Variants in IL1RAPL2 observed in about 807,000 individuals in gnomAD.
The protein encoded by IL1RAPL2 is interleukin 1 receptor accessory protein like 2.
Under a neutral mutation model 44.1 loss-of-function variants are expected in IL1RAPL2, and 3 were observed. The observed-to-expected ratio is 0.07, with a 90% CI of 0.03 to 0.18. The LOEUF (loss-of-function observed/expected upper bound fraction) is 0.18. IL1RAPL2 is among the 10% of genes least tolerant of loss of function. The pLI, the probability that IL1RAPL2 is intolerant of heterozygous loss-of-function variation, is 1.00. For missense variants in IL1RAPL2, 391 were observed against 496.4 expected (o/e 0.79, Z 2.02); for synonymous variants, 181 against 178.8 (o/e 1.01, Z -0.10).
At chrX:105,258,989 A>G (rs1366857707) in intron 4 of IL1RAPL2, among the ~76,000 whole-genome samples, 1 of 111,743 alleles carries the variant, frequency 8.9e-6, no homozygotes, top group Non-Finnish European at 1.9e-5. Context: ...TGTTTGTAGG[A>G]CATACAACAC....
At chrX:104,728,951 A>T in intron 2 of IL1RAPL2, among the ~76,000 whole-genome samples, 1 of 111,866 alleles carries the variant, frequency 8.9e-6, no homozygotes. Flanking sequence ...CATTTTCTCT[A>T]AGGCTCTTGT....
At chrX:104,641,905 A>G (rs1472351676) in intron 1 of IL1RAPL2, among the ~76,000 whole-genome samples, 1 of 111,327 alleles carries the variant, frequency 9.0e-6, no homozygotes. Flanking sequence ...GCCTTTTTGT[A>G]GCTGCTTAGG....
chrX:104,705,882 A>G (rs1931356722), intron 2 of IL1RAPL2, among the ~76,000 whole-genome samples: 2 of 111,414 alleles, frequency 1.8e-5, no homozygotes, highest in African/African-American at 3.3e-5. Flanking sequence ...GCGGGGACCA[A>G]GTTTTGTTTT....
intron 2 of IL1RAPL2, among the ~76,000 whole-genome samples, chrX:104,908,096 G>A (rs986573709): frequency 1.8e-5 from 2 of 110,340 alleles, no homozygotes; most frequent in Non-Finnish European, 3.8e-5. Flanking sequence ...TTGGTTTAAA[G>A]TCTGTTTTAT....
At chrX:104,610,859 C>T (rs755734883) in intron 1 of IL1RAPL2, among the ~76,000 whole-genome samples, 5 of 111,918 alleles carry the variant, frequency 4.5e-5, no homozygotes, top group Non-Finnish European at 7.5e-5. Context: ...GGAGGCATCA[C>T]GCTACCTAAC....
rs1924841144 is a variant in IL1RAPL2 at position 104,929,146 on chromosome X, G to A, written c.83-266329G>A. On this transcript the variant is annotated intron_variant, in intron 2 of 10. Coordinates refer to ENST00000372582, the MANE Select transcript of IL1RAPL2 (RefSeq NM_017416.2). ...CCTCTGACCCCTTAGGCATAATTAG[G>A]GGTTTTGTGCTCTTACAAATGGACT... Among the ~76,000 whole-genome samples, 3 of 111,242 alleles carry A rather than the reference G, an allele frequency of 2.7e-5. No individual in the cohort carries two copies. In the Admixed American group the frequency reaches 2.9e-4, roughly 11 times the overall value.
At chrX:105,409,038 A>T (rs775486480) in intron 5 of IL1RAPL2, among the ~76,000 whole-genome samples, 2 of 111,610 alleles carry the variant, frequency 1.8e-5, no homozygotes, top group African/African-American at 6.5e-5. Flanking sequence ...CAATATCAAA[A>T]TTTTTCTTAT....
chrX:105,297,075 G>T (rs184752427), intron 5 of IL1RAPL2, among the ~76,000 whole-genome samples: 1 of 112,275 alleles, frequency 8.9e-6, no homozygotes, highest in East Asian at 2.8e-4. Flanking sequence ...ATGGAGATTG[G>T]CAAGGAAGGT....
At position 105,158,079 on chromosome X, in the gene IL1RAPL2, C is replaced by T. The variant is rs766878628; in HGVS notation, c.83-37396C>T. On this transcript the variant is annotated intron_variant, in intron 2 of 10. Transcript: ENST00000372582. ...AGGACCCACCAGGCGCCGTGGCTCA[C>T]GCCTGTAATCCCAGCACTCTGGGAG... 7.2e-5 allele frequency among the ~76,000 whole-genome samples: 8 copies of T among 111,698 alleles called. No homozygotes were observed. In the East Asian group the frequency reaches 1.4e-3, roughly 20 times the overall value.
intron 2 of IL1RAPL2, among the ~76,000 whole-genome samples, chrX:104,675,348 C>T (rs767938651): frequency 3.9e-3 from 439 of 111,727 alleles, no homozygotes; most frequent in African/African-American, 0.014. Context: ...GCCTTCATTT[C>T]GTTATGTACC....
chrX:105,759,694 A>G (rs2038670864), intron 10 of IL1RAPL2, among the ~76,000 whole-genome samples: 1 of 112,135 alleles, frequency 8.9e-6, no homozygotes, highest in Non-Finnish European at 1.9e-5. Context: ...GACTTTCCTC[A>G]CTAATCTAAT....
chrX:105,073,313 C>T (rs780520054), intron 2 of IL1RAPL2, among the ~76,000 whole-genome samples: 10 of 96,763 alleles, frequency 1.0e-4, no homozygotes, highest in South Asian at 5.5e-4. Flanking sequence ...TTTGTCCTTG[C>T]GATAGTTTGC....
chrX:105,086,225 A>G (rs1429253629), intron 2 of IL1RAPL2, among the ~76,000 whole-genome samples: 1 of 111,259 alleles, frequency 9.0e-6, no homozygotes, highest in Non-Finnish European at 1.9e-5. Flanking sequence ...CAACCTAAGT[A>G]TTTACCTGTG....
chrX:104,776,702 A>G (rs942776939), intron 2 of IL1RAPL2, among the ~76,000 whole-genome samples: 1 of 112,215 alleles, frequency 8.9e-6, no homozygotes, highest in Non-Finnish European at 1.9e-5. Context: ...ACTTAAAAAA[A>G]TAAACTTTGT....
intron 4 of IL1RAPL2, among the ~76,000 whole-genome samples, chrX:105,243,150 T>A (rs1280638498): frequency 1.8e-5 from 2 of 110,451 alleles, no homozygotes; most frequent in Non-Finnish European, 3.8e-5. Flanking sequence ...CCCACCCAAA[T>A]CTCATCAGGA....
chrX:105,148,386 A>G (rs1183585937), intron 2 of IL1RAPL2, among the ~76,000 whole-genome samples: 1 of 112,065 alleles, frequency 8.9e-6, no homozygotes, highest in Non-Finnish European at 1.9e-5. Context: ...AACATATGTG[A>G]AAATGTACTT....
intron 2 of IL1RAPL2, among the ~76,000 whole-genome samples, chrX:105,039,996 A>G (rs1402563771): frequency 8.2e-4 from 91 of 110,533 alleles, no homozygotes; most frequent in African/African-American, 2.9e-3. Flanking sequence ...TTGCCCATTC[A>G]GTATGATATT....
intron 5 of IL1RAPL2, among the ~76,000 whole-genome samples, chrX:105,394,143 G>A (rs2035546142): frequency 8.9e-6 from 1 of 112,079 alleles, no homozygotes; most frequent in Admixed American, 9.5e-5. Flanking sequence ...TGCATTTATG[G>A]CATTAGCAAT....
chrX:105,334,536 A>G (rs2035013404), intron 5 of IL1RAPL2, among the ~76,000 whole-genome samples: 1 of 112,145 alleles, frequency 8.9e-6, no homozygotes, highest in African/African-American at 3.2e-5. Flanking sequence ...AACACAAAAG[A>G]TAAACGCTTG....
Sources: gnomAD v4.1 joint callset for allele counts (sites outside exome capture counted in the v4.1 genomes callset) on GRCh38, gnomAD v4.1.1 for gene constraint, MANE v1.5 for transcripts, NCBI Gene and HGNC (gene_info 2026-07-23, HGNC 2026-07-21) for gene names.